Variants in NOS1AP observed in about 807,000 individuals in gnomAD.
NOS1AP encodes the protein nitric oxide synthase 1 adaptor protein.
A neutral mutation model predicts 56.2 loss-of-function variants in NOS1AP; 21 were observed. The observed-to-expected ratio is 0.37, with a 90% CI of 0.26 to 0.54. The LOEUF is 0.54. NOS1AP is among the 20% of genes least tolerant of loss of function. NOS1AP has a pLI of 0.84. For missense variants in NOS1AP, 522 were observed against 657.8 expected (o/e 0.79, Z 2.26); for synonymous variants, 270 against 274.6 (o/e 0.98, Z 0.17).
At chr1:162,243,785 C>T (rs1276963928) in intron 2 of NOS1AP, among the ~76,000 whole-genome samples, 1 of 152,018 alleles carries the variant, frequency 6.6e-6, no homozygotes, top group African/African-American at 2.4e-5. Context: ...TCTGTTCATT[C>T]TTGCAGGGAC....
chr1:162,171,800 C>T (rs1239589904), intron 2 of NOS1AP, among the ~76,000 whole-genome samples: 1 of 152,126 alleles, frequency 6.6e-6, no homozygotes. Context: ...TCTCTCTTGT[C>T]ATGCTTCTCC....
At chr1:162,206,571 A>G (rs1035128654) in intron 2 of NOS1AP, among the ~76,000 whole-genome samples, 1 of 152,202 alleles carries the variant, frequency 6.6e-6, no homozygotes, top group African/African-American at 2.4e-5. Flanking sequence ...TCAACCTCTG[A>G]AGTTAGGTAA....
chr1:162,110,176 G>A (rs982648019), intron 1 of NOS1AP, among the ~76,000 whole-genome samples: 3 of 151,848 alleles, frequency 2.0e-5, no homozygotes, highest in Non-Finnish European at 2.9e-5. Flanking sequence ...TCTACATGTC[G>A]GTTCCCCTCC....
At chr1:162,182,505 T>C (rs1651296490) in intron 2 of NOS1AP, among the ~76,000 whole-genome samples, 1 of 152,242 alleles carries the variant, frequency 6.6e-6, no homozygotes, top group Non-Finnish European at 1.5e-5. Flanking sequence ...TGAAATTTGC[T>C]GCAAGGATTG....
rs955031658 is a variant in NOS1AP, at chr1:162,139,832, C to CT, written c.106-14562dup. 2.2e-4 allele frequency among the ~76,000 whole-genome samples: 33 copies of CT among 147,748 alleles called. 1 individual carries two copies. Among genetic ancestry groups the CT allele is most frequent in the South Asian group, 4.3e-4 (2 of 4,654 alleles). ...TTTCTCAGCCAGAGTTGCCGTCTTA[C>CT]TTTTTTTTTTTCTTTTGAGGCAGTC... On this transcript the variant is annotated intron_variant, in intron 1 of 9. Coordinates refer to ENST00000361897, the MANE Select transcript of NOS1AP (RefSeq NM_014697.3).
At chr1:162,154,608 C>T (rs945563609) in intron 2 of NOS1AP, 132 bp downstream of exon 2, 21 of 698,558 alleles carry the variant, frequency 3.0e-5, no homozygotes, top group Middle Eastern at 6.0e-4. Context: ...CTCTCTGTAC[C>T]CTCTAGGTAG....
chr1:162,323,394 T>C (rs1656479874), intron 4 of NOS1AP, among the ~76,000 whole-genome samples: 1 of 152,252 alleles, frequency 6.6e-6, no homozygotes, highest in African/African-American at 2.4e-5. Flanking sequence ...TTTTAAGCTA[T>C]CCGACTTGTA....
intron 1 of NOS1AP, among the ~76,000 whole-genome samples, chr1:162,071,050 G>A (rs1691650372): frequency 6.6e-6 from 1 of 152,152 alleles, no homozygotes; most frequent in African/African-American, 2.4e-5. Context: ...GACTCCCTGT[G>A]ATGCACCTCC....
intron 1 of NOS1AP, among the ~76,000 whole-genome samples, chr1:162,141,419 T>A (rs1649230868): frequency 6.6e-6 from 1 of 152,254 alleles, no homozygotes; most frequent in African/African-American, 2.4e-5. Context: ...TTCTGTAACT[T>A]AGTGACCTTG....
rs1015655833 is a variant in NOS1AP, at chr1:162,178,170, G to A, written c.177+23694G>A. ...TTAAGATTCCTCTAGGTCTTATTATGGCTCGATAGCTCATTTTTTTTAGTG... is the reference window on the plus strand; with the variant it reads ...TTAAGATTCCTCTAGGTCTTATTATAGCTCGATAGCTCATTTTTTTTAGTG... On this transcript the variant is annotated intron_variant, in intron 2 of 9. Coordinates refer to ENST00000361897, the MANE Select transcript of NOS1AP (RefSeq NM_014697.3). 1.4e-3 allele frequency among the ~76,000 whole-genome samples: 212 copies of A among 152,174 alleles called. 2 individuals are homozygous for A. Among genetic ancestry groups the A allele is most frequent in the Non-Finnish European group, 7.4e-5 (5 of 68,012 alleles).
At chr1:162,230,839 G>A (rs910383997) in intron 2 of NOS1AP, among the ~76,000 whole-genome samples, 5 of 152,072 alleles carry the variant, frequency 3.3e-5, no homozygotes, top group Non-Finnish European at 5.9e-5. Context: ...CCTTTTAAAG[G>A]CTAATATTTC....
intron 1 of NOS1AP, among the ~76,000 whole-genome samples, chr1:162,093,652 T>G (rs1692179733): frequency 1.3e-5 from 2 of 152,068 alleles, no homozygotes; most frequent in Non-Finnish European, 2.9e-5. Context: ...ACTCCTGGGC[T>G]CAAGTGATCT....
intron 3 of NOS1AP, among the ~76,000 whole-genome samples, chr1:162,294,173 T>TAGGAAGGAAGGAAGGAAGGAAGGA: frequency 1.2e-5 from 1 of 84,772 alleles, no homozygotes; most frequent in Non-Finnish European, 2.2e-5. Flanking sequence ...GGAAGGCAGG[T>TAGGAAGGAAGGAAGGAAGGAAGGA]AGGAAGGAAG....
At chr1:162,252,675 C>T (rs1653903002) in intron 2 of NOS1AP, among the ~76,000 whole-genome samples, 1 of 152,114 alleles carries the variant, frequency 6.6e-6, no homozygotes, top group African/African-American at 2.4e-5. Context: ...GTTTCTTTAA[C>T]TCTTTGGGGC....
rs892551650 is a variant in NOS1AP, at chr1:162,188,813, G to A, written c.177+34337G>A. ...TCACGCCTGTAATCCCAGCACTTTC[G>A]GAGGCCGAGGCGGGCGGATCACGAG... On this transcript the variant is annotated intron_variant, in intron 2 of 9. Transcript: ENST00000361897. This position sits in a 1 kb window ranked among gnomAD's most constrained non-coding sequence, Gnocchi z 4.0. Among the ~76,000 whole-genome samples the A allele has an allele frequency of 7.2e-5, 11 of 152,140 alleles. No homozygotes were observed. Among genetic ancestry groups the A allele is most frequent in the African/African-American group, 2.7e-4 (11 of 41,436 alleles).
chr1:162,205,938 T>C (rs1049284706), intron 2 of NOS1AP, among the ~76,000 whole-genome samples: 4 of 152,176 alleles, frequency 2.6e-5, no homozygotes, highest in African/African-American at 9.7e-5. Context: ...TCTTTGATGG[T>C]GTAAGGAGTC....
chr1:162,333,641 AC>A lies in NOS1AP; in HGVS notation c.453+517del, dbSNP rs1469883213. ...AATGTCATTCCCCCAGGAGTCTAAC[AC>A]ACACAACTGGGGTTTTAGAAGCCTA... On this transcript the variant is annotated intron_variant, in intron 5 of 9. Coordinates refer to ENST00000361897, the MANE Select transcript of NOS1AP (RefSeq NM_014697.3). Among the ~76,000 whole-genome samples the A allele has an allele frequency of 3.3e-5, 5 of 152,202 alleles. No homozygotes were observed. The East Asian group carries it at 9.6e-4, about 29-fold the overall frequency.
intron 2 of NOS1AP, among the ~76,000 whole-genome samples, chr1:162,185,638 G>A (rs116044776): frequency 0.035 from 5,351 of 152,278 alleles, 135 homozygotes; most frequent in Non-Finnish European, 0.049. Context: ...CTGATATTCC[G>A]TAGGAATGAG....
At chr1:162,263,552 G>A (rs967404584) in intron 2 of NOS1AP, among the ~76,000 whole-genome samples, 1 of 152,034 alleles carries the variant, frequency 6.6e-6, no homozygotes. Flanking sequence ...CTGTATAATG[G>A]CATTTTCCTA....
Sources: gnomAD v4.1 joint callset for allele counts (sites outside exome capture counted in the v4.1 genomes callset) on GRCh38, gnomAD v4.1.1 for gene constraint, Gnocchi (gnomAD v3.1) non-coding constraint, MANE v1.5 for transcripts, NCBI Gene and HGNC (gene_info 2026-07-23, HGNC 2026-07-21) for gene names.